MINAR1: variants seen among roughly 807,000 people sequenced by gnomAD.
MINAR1 encodes membrane integral NOTCH2 associated receptor 1, also known as major intrinsically disordered Notch2-binding receptor 1.
Under a neutral mutation model 65.1 loss-of-function variants are expected in MINAR1, and 40 were observed. That is an observed-to-expected ratio of 0.61 (90% CI 0.48 to 0.80). MINAR1 has a LOEUF of 0.80. Among genes scored for constraint, MINAR1 ranks in the 30% least tolerant of loss-of-function variants. The probability of loss-of-function intolerance (pLI) is 0.00; values close to 1 mark genes in which losing one functional copy is unlikely to be tolerated. For synonymous variants in MINAR1, 482 were observed against 449.1 expected, an observed-to-expected ratio of 1.07 and a Z score of -0.93; for missense variants, 1,128 against 1,148.0, an observed-to-expected ratio of 0.98 and a Z score of 0.25.
chr15:79,417,208 A>G, the MINAR1 span: 1 of 152,234 alleles, frequency 6.6e-6, no homozygotes, highest in Admixed American at 6.5e-5. Flanking sequence ...TGCCAGGTTC[A>G]CATAGTTCAA....
At chr15:79,463,039 GTC>G in intron 2 of MINAR1, 26 bp from the exon 3 acceptor site, 1 of 1,594,304 alleles carries the variant, frequency 6.3e-7, no homozygotes, top group Non-Finnish European at 8.6e-7. Context: ...TGTGCCACTT[GTC>G]TGGACTTCTT....
chr15:79,439,585 G>C (rs193202287), intron 1 of MINAR1, among the ~76,000 whole-genome samples: 1 of 151,908 alleles, frequency 6.6e-6, no homozygotes, highest in East Asian at 1.9e-4. Flanking sequence ...TGGGCTGGGT[G>C]GTTGGCTGTG....
chr15:79,422,242 C>T, the MINAR1 span: 1 of 152,188 alleles, frequency 6.6e-6, no homozygotes, highest in African/African-American at 2.4e-5. Context: ...TAAAACATCC[C>T]TTCTGAGTTA....
At chr15:79,430,410 G>T (rs2141270872), upstream of MINAR1, among the ~76,000 whole-genome samples, 1 of 152,226 alleles carries the variant, frequency 6.6e-6, no homozygotes, top group African/African-American at 2.4e-5. Flanking sequence ...TGTCCTAATT[G>T]TTCCATGTGG....
At chr15:79,452,260 G>A (rs1380652112) in intron 1 of MINAR1, among the ~76,000 whole-genome samples, 1 of 151,516 alleles carries the variant, frequency 6.6e-6, no homozygotes, top group African/African-American at 2.4e-5. Context: ...ATGAGCGTGA[G>A]TCTGTGTGTT....
chr15:79,424,105 G>A, the MINAR1 span: 1 of 152,196 alleles, frequency 6.6e-6, no homozygotes, highest in African/African-American at 2.4e-5. Context: ...CATGAAGGAG[G>A]TGGTTATTTC....
chr15:79,423,447 A>G, the MINAR1 span: 1 of 152,212 alleles, frequency 6.6e-6, no homozygotes, highest in African/African-American at 2.4e-5. Context: ...AACATTTTAT[A>G]CCATTGTATT....
chr15:79,422,277 C>T, the MINAR1 span: 4,617 of 152,282 alleles, frequency 0.03, 109 homozygotes, highest in African/African-American at 0.061. Context: ...GCAGGCCAGG[C>T]GTGGTGGCTC....
At chr15:79,417,144 G>A in the MINAR1 span, 2 of 152,194 alleles carry the variant, frequency 1.3e-5, no homozygotes, top group Non-Finnish European at 2.9e-5. Flanking sequence ...CTTGGCAGGA[G>A]GCTGCTTTCA....
the MINAR1 span, chr15:79,424,279 C>A: frequency 3.9e-5 from 6 of 152,216 alleles, no homozygotes; most frequent in Non-Finnish European, 8.8e-5. Context: ...CAAAATAGCA[C>A]CTGAAGCACC....
rs554779917 is a variant in MINAR1, at chr15:79,456,316, G to A, written c.169G>A (p.Asp57Asn). The A allele has an allele frequency of 1.7e-5, 28 of 1,614,146 alleles. No individual in the cohort carries two copies. The highest frequency in any genetic ancestry group is 7.7e-5 in the South Asian group (7 of 91,080). The change falls in exon 2 of 4, where the codon GAT becomes AAT. Residue 57 changes from aspartate to asparagine, a missense_variant. Coordinates refer to ENST00000305428, the MANE Select transcript of MINAR1 (RefSeq NM_015206.3). ...TGTGCTCTTCTACACAGCTTGTCTCGATCCCAATTTTCCAGCCACGCTATT... is the reference window on the plus strand; with the variant it reads ...TGTGCTCTTCTACACAGCTTGTCTCAATCCCAATTTTCCAGCCACGCTATT... Reference protein sequence around the residue: ...RSVLFYTACLDPNFPATLFKD... With the variant: ...RSVLFYTACLNPNFPATLFKD...
In MINAR1 at chr15:79,471,437, C is replaced by T. The variant is rs184367986; in HGVS notation, c.*3053C>T. 7.9e-5 allele frequency: 12 copies of T among 152,686 alleles called. No homozygotes were observed. The highest frequency in any genetic ancestry group is 3.3e-4 in the Admixed American group (5 of 15,284). The allele number at this position is 152,686 out of a possible 1,614,324, so 9.5% of individuals were successfully genotyped here. ...CAGAAAAGCAAAAAATATTTCCCCG[C>T]TCAAATTTTGCCGACATTTTATACC... is the stretch of plus-strand genomic sequence containing the variant. On this transcript the variant is annotated 3_prime_UTR_variant, in exon 4 of 4. Coordinates refer to ENST00000305428, the MANE Select transcript of MINAR1 (RefSeq NM_015206.3).
At chr15:79,437,361 G>A (rs1029608452) in intron 1 of MINAR1, among the ~76,000 whole-genome samples, 42 of 152,048 alleles carry the variant, frequency 2.8e-4, no homozygotes, top group South Asian at 2.1e-4. Flanking sequence ...GTGTGGGTGG[G>A]ATAGGTAGTG....
chr15:79,412,356 C>G, the MINAR1 span: 4 of 152,488 alleles, frequency 2.6e-5, no homozygotes, highest in African/African-American at 9.7e-5. Context: ...ACCATGCCAT[C>G]ATTGCAGTCA....
chr15:79,433,170 C>A (rs1271502124), intron 1 of MINAR1, among the ~76,000 whole-genome samples: 1 of 152,184 alleles, frequency 6.6e-6, no homozygotes, highest in Non-Finnish European at 1.5e-5. Flanking sequence ...GCAGCATGCC[C>A]GACCTGCTCT....
rs544871911 is a variant in MINAR1 at position 79,463,236 on chromosome 15, T to C, written c.2468T>C (p.Val823Ala). 1.9e-6 allele frequency: 3 copies of C among 1,614,114 alleles called. No homozygotes were observed. The African/African-American group carries it at 4.0e-5, about 22-fold the overall frequency. ...ATGCGGCTGACCGAGTTGGCCGAGG[T>C]GAAGCGGGGCCAACCTTCTTGGACC... Reference protein sequence around the residue: ...TDMRLTELAEVKRGQPSWTIE... With the variant: ...TDMRLTELAEAKRGQPSWTIE... The change falls in exon 3 of 4, where the codon GTG (valine) becomes GCG (alanine). Residue 823 changes from valine (V) to alanine (A), a missense_variant. By Grantham distance (64) the Val-to-Ala change is moderately conservative. Transcript: ENST00000305428.
intron 3 of MINAR1, among the ~76,000 whole-genome samples, chr15:79,464,386 T>C (rs1970291): frequency 0.22 from 33,651 of 152,190 alleles, 4,220 homozygotes; most frequent in Middle Eastern, 0.33. Flanking sequence ...GCATGGTGCT[T>C]TTTACAGTCT....
Position 79,456,922 on chromosome 15 carries a change from A to T in MINAR1, c.775A>T (p.Ile259Phe). The T allele has an allele frequency of 1.2e-6, 2 of 1,614,210 alleles. No homozygotes were observed. The highest frequency in any genetic ancestry group is 1.7e-6 in the Non-Finnish European group (2 of 1,180,030). Residue 259 changes from isoleucine to phenylalanine, a missense_variant, in exon 2 of 4, where the codon ATC becomes TTC. Ile to Phe is a conservative substitution (Grantham distance 21). Transcript: ENST00000305428. ...CCAGTCCTGTGTCCAGAAAAGGAAT[A>T]TCTTCAAAGAGGATTTTCACAATTT... is the stretch of plus-strand genomic sequence containing the variant. ...VVQSCVQKRNIFKEDFHNLMA... is the reference protein window; with the variant it reads ...VVQSCVQKRNFFKEDFHNLMA...
At position 79,458,173 on chromosome 15, in the gene MINAR1, G is replaced by C. The variant is rs749709523; in HGVS notation, c.2026G>C (p.Glu676Gln). 1.9e-6 allele frequency: 3 copies of C among 1,614,048 alleles called. No homozygotes were observed. The South Asian group carries it at 3.3e-5, about 18-fold the overall frequency. ...AHSGSHGPKL[E>Q]NNPDWCCSDA... The stretch of plus-strand genomic sequence containing the variant: ...CAGTGGCTCCCACGGACCCAAACTA[G>C]AGAACAACCCTGACTGGTGCTGCTC... Residue 676 changes from glutamate to glutamine, a missense_variant, in exon 2 of 4, where the codon GAG becomes CAG. Physicochemically the swap from Glu to Gln is conservative, Grantham distance 29. Transcript: ENST00000305428.
Sources: gnomAD v4.1 joint callset for allele counts (sites outside exome capture counted in the v4.1 genomes callset) on GRCh38, gnomAD v4.1.1 for gene constraint, MANE v1.5 for transcripts, NCBI Gene and HGNC (gene_info 2026-07-23, HGNC 2026-07-21) for gene names.